AGAP3: variants seen among roughly 807,000 people sequenced by gnomAD.
AGAP3 encodes the protein arf-GAP with GTPase, ANK repeat and PH domain-containing protein 3.
A neutral mutation model predicts 96.9 loss-of-function variants in AGAP3; 24 were observed. That is an observed-to-expected ratio of 0.25 (90% CI 0.18 to 0.35). AGAP3 has a LOEUF of 0.35. AGAP3 is among the 10% of genes least tolerant of loss of function. The pLI is 1.00. For synonymous variants in AGAP3, 563 were observed against 536.1 expected (o/e 1.05, Z -0.69); for missense variants, 876 against 1,254.2 (o/e 0.70, Z 4.55).
chr7:151,131,462 A>G (rs1459791192), intron 10 of AGAP3, among the ~76,000 whole-genome samples: 1 of 152,174 alleles, frequency 6.6e-6, no homozygotes, highest in Non-Finnish European at 1.5e-5. Flanking sequence ...TAATAAAGGC[A>G]GCCGTGGTGA....
At chr7:151,127,337 C>T (rs968008322) in intron 9 of AGAP3, among the ~76,000 whole-genome samples, 11 of 152,174 alleles carry the variant, frequency 7.2e-5, no homozygotes, top group Admixed American at 1.3e-4. Flanking sequence ...ATCGCGGGGC[C>T]TCTTCCCTCT....
chr7:151,128,221 C>T, intron 9 of AGAP3: 1 of 241,674 alleles, frequency 4.1e-6, no homozygotes, highest in South Asian at 6.9e-5. Context: ...AGCGTCTACT[C>T]CTGGCCGTCT....
At chr7:151,113,723 T>A (rs1799402783) in intron 1 of AGAP3, among the ~76,000 whole-genome samples, 2 of 152,240 alleles carry the variant, frequency 1.3e-5, no homozygotes, top group Non-Finnish European at 2.9e-5. Context: ...GGAAACTGGC[T>A]GGGCTTCAGA....
At chr7:151,126,991 G>A in intron 9 of AGAP3, among the ~76,000 whole-genome samples, 1 of 152,226 alleles carries the variant, frequency 6.6e-6, no homozygotes, top group East Asian at 1.9e-4. Context: ...CAGCAAGAAT[G>A]TGAAACGTGC....
rs993871332 is a variant in AGAP3, at chr7:151,140,906, G to C, written c.1804+790G>C. ...GGCGCAGTGGTGGTGCCTGGGGAAG[G>C]AGGCGCCGGTTCTATTTCTGTGGGA... On this transcript the variant is annotated intron_variant, in intron 13 of 17. Transcript: ENST00000397238. The surrounding 1 kb of genome is among the most constrained non-coding windows in gnomAD (Gnocchi z 5.4). The C allele has an allele frequency of 6.6e-6, 1 of 152,248 alleles. No homozygotes were observed. Among genetic ancestry groups the C allele is most frequent in the Non-Finnish European group, 1.5e-5 (1 of 68,102 alleles). The allele number at this position is 152,248 out of a possible 1,614,324, so 9.4% of individuals were successfully genotyped here. A position where few individuals can be genotyped will look rare whatever the true frequency, so the allele number is the denominator to read the frequency against.
chr7:151,125,952 G>C (rs565183649), intron 9 of AGAP3, among the ~76,000 whole-genome samples: 5 of 152,302 alleles, frequency 3.3e-5, no homozygotes, highest in Admixed American at 3.3e-4. Context: ...CAGCCGGCCG[G>C]CCGGGGAGGG....
intron 1 of AGAP3, among the ~76,000 whole-genome samples, chr7:151,109,737 C>T (rs1387461093): frequency 6.6e-6 from 1 of 152,164 alleles, no homozygotes; most frequent in East Asian, 1.9e-4. Context: ...GAGGGACCAG[C>T]CCAGGAATCA....
At chr7:151,120,411 C>T in intron 8 of AGAP3, 1 of 672,102 alleles carries the variant, frequency 1.5e-6, no homozygotes, top group Non-Finnish European at 2.7e-6. Flanking sequence ...CACACACTCA[C>T]CCTCCCCGCC....
Position 151,139,847 on chromosome 7 carries a change from G to GAGGC in AGAP3, c.1667-132_1667-131insAGGC. ...AGGCAGACCTCGCCTAGAGAGAGGT[G>GAGGC]TCCGTCTGGCTCTCCTGAGTGTGGC... On this transcript the variant is annotated intron_variant, in intron 12 of 17. Coordinates refer to ENST00000397238, the MANE Select transcript of AGAP3 (RefSeq NM_031946.7). This position sits in a 1 kb window ranked among gnomAD's most constrained non-coding sequence, Gnocchi z 4.9. The GAGGC allele has an allele frequency of 2.3e-6, 2 of 860,080 alleles. No homozygotes were observed. Among genetic ancestry groups the GAGGC allele is most frequent in the Non-Finnish European group, 3.2e-6 (2 of 622,840 alleles). 53.3% of individuals were successfully genotyped at this position (860,080 alleles called of 1,614,324 possible).
intron 1 of AGAP3, among the ~76,000 whole-genome samples, chr7:151,095,243 C>T (rs1798553920): frequency 6.6e-6 from 1 of 152,208 alleles, no homozygotes; most frequent in African/African-American, 2.4e-5. Flanking sequence ...TGTCTGAGTT[C>T]CCATAGTCAG....
intron 1 of AGAP3, among the ~76,000 whole-genome samples, chr7:151,094,118 A>G (rs1798504481): frequency 6.6e-6 from 1 of 152,204 alleles, no homozygotes; most frequent in African/African-American, 2.4e-5. Context: ...GAGGTGGGTC[A>G]TAACAAAGCT....
At chr7:151,109,979 A>C (rs1412503644) in intron 1 of AGAP3, among the ~76,000 whole-genome samples, 1 of 152,200 alleles carries the variant, frequency 6.6e-6, no homozygotes, top group Non-Finnish European at 1.5e-5. Flanking sequence ...GGCCATTCCT[A>C]ATTTACAGAC....
intron 1 of AGAP3, among the ~76,000 whole-genome samples, chr7:151,110,890 G>T (rs906826768): frequency 1.3e-5 from 2 of 152,182 alleles, no homozygotes; most frequent in African/African-American, 4.8e-5. Flanking sequence ...TTGAAAATGG[G>T]GGATGCTGGA....
rs193192760 is a variant in AGAP3 at position 151,135,073 on chromosome 7, G to A, written c.1495+505G>A. Among the ~76,000 whole-genome samples, 72 of 152,254 alleles carry A rather than the reference G, an allele frequency of 4.7e-4. No individual in the cohort carries two copies. The East Asian group carries it at 6.4e-3, about 13-fold the overall frequency. The stretch of plus-strand genomic sequence containing the variant: ...AGAAACTCCAGTGAAGAGCTGTTGC[G>A]TTCTTGCCTTTTCAACTGACAGTGC... On this transcript the variant is annotated intron_variant, in intron 11 of 17. Transcript: ENST00000397238.
Position 151,129,150 on chromosome 7 carries a change from G to A in AGAP3, c.1326+466G>A, listed in dbSNP as rs1024357277. On this transcript the variant is annotated intron_variant, in intron 10 of 17. Transcript: ENST00000397238. ...GGAGGGTCTGGTGGCCACGTGGCCTGTGTCCCAGCTGGGGGGTGTTGTGGT... is the reference window on the plus strand; with the variant it reads ...GGAGGGTCTGGTGGCCACGTGGCCTATGTCCCAGCTGGGGGGTGTTGTGGT... Among the ~76,000 whole-genome samples the A allele has an allele frequency of 8.5e-5, 13 of 152,252 alleles. 1 individual carries two copies. Among genetic ancestry groups the A allele is most frequent in the Admixed American group, 8.5e-4 (13 of 15,306 alleles).
At position 151,143,798 on chromosome 7, in the gene AGAP3, G is replaced by C; in HGVS notation, c.2591G>C (p.Arg864Pro). 3 of 1,614,114 alleles carry C rather than the reference G, an allele frequency of 1.9e-6. No homozygotes were observed. The highest frequency in any genetic ancestry group is 1.7e-6 in the Non-Finnish European group (2 of 1,180,038). The change falls in exon 18 of 18, where the codon CGG becomes CCG. Residue 864 changes from arginine (R) to proline (P), a missense_variant. Transcript: ENST00000397238. The surrounding 1 kb of genome is among the most constrained non-coding windows in gnomAD (Gnocchi z 5.9). ...RGLTPLAYAR[R>P]AGSQECADIL... Reference sequence around the variant, plus strand: ...CTGACTCCACTGGCATATGCTCGCCGGGCCGGCAGCCAGGAGTGTGCAGAC... The same window carrying C: ...CTGACTCCACTGGCATATGCTCGCCCGGCCGGCAGCCAGGAGTGTGCAGAC...
At position 151,143,604 on chromosome 7, in the gene AGAP3, A is replaced by G. The variant is rs1368946668; in HGVS notation, c.2529+8A>G. On this transcript the variant is annotated splice_region_variant and intron_variant, in intron 17 of 17. Coordinates refer to ENST00000397238, the MANE Select transcript of AGAP3 (RefSeq NM_031946.7). The surrounding 1 kb of genome is among the most constrained non-coding windows in gnomAD (Gnocchi z 5.9). ...ACGCAGCTGCTCATCTGGGTGAGTC[A>G]CGTGCCTCTAGCCTGCCCTGACCTC... The G allele has an allele frequency of 1.9e-6, 3 of 1,598,224 alleles. No individual in the cohort carries two copies. The highest frequency in any genetic ancestry group is 2.6e-6 in the Non-Finnish European group (3 of 1,170,224).
chr7:151,119,965 C>T, intron 7 of AGAP3, 22 bp from the exon 8 acceptor site: 2 of 1,612,446 alleles, frequency 1.2e-6, no homozygotes, highest in Admixed American at 1.7e-5. Flanking sequence ...GAGCTGCCCT[C>T]AGCAGCCCTC....
At chr7:151,122,903 G>C in intron 8 of AGAP3, 1 of 1,508,512 alleles carries the variant, frequency 6.6e-7, no homozygotes, top group Non-Finnish European at 8.8e-7. Context: ...CCCCACTCCA[G>C]AGACCCACGG....
Sources: gnomAD v4.1 joint callset for allele counts (sites outside exome capture counted in the v4.1 genomes callset) on GRCh38, gnomAD v4.1.1 for gene constraint, Gnocchi (gnomAD v3.1) non-coding constraint, MANE v1.5 for transcripts, NCBI Gene and HGNC (gene_info 2026-07-23, HGNC 2026-07-21) for gene names.